OBP2A: variants seen among roughly 807,000 people sequenced by gnomAD.
OBP2A encodes the protein odorant-binding protein 2a.
Under a neutral mutation model 21.9 loss-of-function variants are expected in OBP2A, and 15 were observed. The ratio of observed to expected loss-of-function variants is 0.69; its 90% confidence interval spans 0.46 to 1.06. The LOEUF is 1.06. Ranked by LOEUF, OBP2A falls within the 50% of genes least tolerant of loss-of-function variation. OBP2A has a pLI of 0.00. For synonymous variants in OBP2A, 86 were observed against 91.8 expected (o/e 0.94, Z 0.36); for missense variants, 192 against 220.1 (o/e 0.87, Z 0.81).
intron 4 of OBP2A, chr9:135,548,497 C>T: frequency 1.6e-6 from 1 of 644,470 alleles, no homozygotes; most frequent in South Asian, 2.0e-5. Flanking sequence ...CACCCCTGAG[C>T]TCTTGTCCAT....
At position 135,546,896 on chromosome 9, in the gene OBP2A, C is replaced by A. The variant is rs774242276; in HGVS notation, c.191C>A (p.Ala64Asp). The change falls in exon 2 of 7, where the codon GCC (alanine) becomes GAC (aspartate). Residue 64 changes from alanine to aspartate, a missense_variant. Coordinates refer to ENST00000371776, the MANE Select transcript of OBP2A (RefSeq NM_014582.3). ...VTALGGGNLE[A>D]TFTFMREDRC... ...GCCCTGGGCGGTGGGAACTTGGAAGCCACGTTCACCTTCATGTGAGTGTTG... is the reference window on the plus strand; with the variant it reads ...GCCCTGGGCGGTGGGAACTTGGAAGACACGTTCACCTTCATGTGAGTGTTG... 1 of 1,613,648 alleles carries A rather than the reference C, an allele frequency of 6.2e-7. No individual in the cohort carries two copies. Among genetic ancestry groups the A allele is most frequent in the African/African-American group, 1.3e-5 (1 of 74,900 alleles).
At chr9:135,549,627 C>T (rs1832067799) in intron 6 of OBP2A, 2 of 595,782 alleles carry the variant, frequency 3.4e-6, no homozygotes, top group Non-Finnish European at 6.0e-6. Flanking sequence ...CCCCCTGCAC[C>T]TGTCCCCACT....
chr9:135,546,749 G>T, intron 1 of OBP2A, 29 bp from the exon 2 acceptor site: 1 of 1,578,274 alleles, frequency 6.3e-7, no homozygotes, highest in African/African-American at 1.3e-5. Context: ...GGCCACCCAT[G>T]GTGGGCTCAC....
chr9:135,548,052 T>A, intron 4 of OBP2A, 71 bp downstream of exon 4: 1 of 1,140,010 alleles, frequency 8.8e-7, no homozygotes, highest in African/African-American at 1.6e-5. Flanking sequence ...GGAACCACCA[T>A]CATCACGCCC....
rs1414769097 is a variant in OBP2A, at chr9:135,549,455, C to T, written c.*1+124C>T. On this transcript the variant is annotated intron_variant, in intron 6 of 6. Coordinates refer to ENST00000371776, the MANE Select transcript of OBP2A (RefSeq NM_014582.3). ...AGGGAGACCCCCCCAGGGTCAGGCA[C>T]GAGGTTGGCACCTCAGAGTCTGCCC... 6.1e-5 allele frequency: 58 copies of T among 954,738 alleles called. 3 individuals are homozygous for T. Among genetic ancestry groups the T allele is most frequent in the Middle Eastern group, 2.5e-4 (1 of 4,046 alleles). 59.1% of individuals were successfully genotyped at this position (954,738 alleles called of 1,614,324 possible). A position where few individuals can be genotyped will look rare whatever the true frequency, so the allele number is the denominator to read the frequency against.
At chr9:135,549,104 C>A (rs11103060) in intron 5 of OBP2A, among the ~76,000 whole-genome samples, 1 of 3,302 alleles carries the variant, frequency 3.0e-4, no homozygotes, top group African/African-American at 1.7e-3. Flanking sequence ...TGGGGCTCCG[C>A]GCTCTGGGCT....
rs1832034685 is a variant in OBP2A, at chr9:135,548,970, G to A, written c.490+161G>A. On this transcript the variant is annotated intron_variant, in intron 5 of 6. Transcript: ENST00000371776. ...CTGCTTAGCATCCTCGTCGTTGGAGGGTCTGCACTCTGGGCTGCGATGCGG... is the reference window on the plus strand; with the variant it reads ...CTGCTTAGCATCCTCGTCGTTGGAGAGTCTGCACTCTGGGCTGCGATGCGG... Among the ~76,000 whole-genome samples the A allele has an allele frequency of 1.3e-5, 2 of 152,048 alleles. 1 individual carries two copies. The highest frequency in any genetic ancestry group is 4.1e-4 in the South Asian group (2 of 4,820).
rs1304748271 is a variant in OBP2A at position 135,548,653 on chromosome 9, C to T, written c.389-55C>T. 3 of 1,611,230 alleles carry T rather than the reference C, an allele frequency of 1.9e-6. No individual in the cohort carries two copies. The South Asian group carries it at 3.3e-5, about 18-fold the overall frequency. ...GTCGTCTCCTTTTAGCATCTGCTCC[C>T]TGCAGGGCCGTGCCGCTGTCCCCAC... On this transcript the variant is annotated intron_variant, in intron 4 of 6. Transcript: ENST00000371776.
chr9:135,547,632 G>A (rs982015135), intron 3 of OBP2A, among the ~76,000 whole-genome samples: 8 of 152,206 alleles, frequency 5.3e-5, no homozygotes, highest in African/African-American at 1.7e-4. Flanking sequence ...TGGGAAGGCC[G>A]GACTCTAGTC....
At chr9:135,546,421 C>CTCATGCT in intron 1 of OBP2A, among the ~76,000 whole-genome samples, 169 bp downstream of exon 1, 1 of 151,112 alleles carries the variant, frequency 6.6e-6, no homozygotes, top group South Asian at 2.1e-4. Context: ...CAGACACGGC[C>CTCATGCT]CCCCGAGGCC....
In OBP2A at chr9:135,548,922, T is replaced by C. The variant is rs1486327031; in HGVS notation, c.490+113T>C. On this transcript the variant is annotated intron_variant, in intron 5 of 6. Coordinates refer to ENST00000371776, the MANE Select transcript of OBP2A (RefSeq NM_014582.3). ...CCCCGCATTCCCCGTGTGCCCCGAG[T>C]CTCCTCGCAGGGGCTCTGGGCCCTG... 1.2e-5 allele frequency: 14 copies of C among 1,185,598 alleles called. 1 individual carries two copies. Among genetic ancestry groups the C allele is most frequent in the Middle Eastern group, 1.9e-4 (1 of 5,228 alleles). The allele number at this position is 1,185,598 out of a possible 1,614,324, so 73.4% of individuals were successfully genotyped here.
chr9:135,546,916 G>A lies in OBP2A; in HGVS notation c.206+5G>A. 1 of 1,613,334 alleles carries A rather than the reference G, an allele frequency of 6.2e-7. No homozygotes were observed. Among genetic ancestry groups the A allele is most frequent in the Non-Finnish European group, 8.5e-7 (1 of 1,179,498 alleles). ...GGAAGCCACGTTCACCTTCATGTGA[G>A]TGTTGCCCACTGCAGGGCCCCTCAG... On this transcript the variant is annotated splice_donor_5th_base_variant and intron_variant, in intron 2 of 6. Transcript: ENST00000371776.
intron 4 of OBP2A, 110 bp downstream of exon 4, chr9:135,548,091 C>T (rs1187698006): frequency 2.0e-5 from 15 of 747,618 alleles, no homozygotes; most frequent in South Asian, 5.9e-5. Flanking sequence ...AAGCCCCCTG[C>T]GCCGGCCTTC....
chr9:135,547,273 TC>T lies in OBP2A; in HGVS notation c.277+29del, dbSNP rs750930487. The T allele has an allele frequency of 2.8e-6, 4 of 1,453,426 alleles. No individual in the cohort carries two copies. In the East Asian group the frequency reaches 1.2e-4, roughly 42 times the overall value. The allele number at this position is 1,453,426 out of a possible 1,614,324, so 90.0% of individuals were successfully genotyped here. A position where few individuals can be genotyped will look rare whatever the true frequency, so the allele number is the denominator to read the frequency against. ...TGTGAGCCCCTCCCCGACCCCCCAC[TC>T]CCCATGCCCAACCCCGGATGCACCA... is the stretch of plus-strand genomic sequence containing the variant. On this transcript the variant is annotated intron_variant, in intron 3 of 6. Transcript: ENST00000371776.
At position 135,547,848 on chromosome 9, in the gene OBP2A, C is replaced by T. The variant is rs767470001; in HGVS notation, c.278-23C>T. On this transcript the variant is annotated intron_variant, in intron 3 of 6. Transcript: ENST00000371776. ...TCTCCGGGAATGAGGGCACTGAAGA[C>T]CCATCTTCTCTGTCATCTACAGATG... The T allele has an allele frequency of 2.6e-6, 4 of 1,553,260 alleles. 1 individual carries two copies. In the South Asian group the frequency reaches 3.5e-5, roughly 14 times the overall value.
At position 135,546,259 on chromosome 9, in the gene OBP2A, T is replaced by G. The variant is rs769792203; in HGVS notation, c.72+7T>G. ...CACCCTGGAGGAGGAGGATGTGAGCTGGGTTGGCGTGGGCGGATGGAGGAG... is the reference window on the plus strand; with the variant it reads ...CACCCTGGAGGAGGAGGATGTGAGCGGGGTTGGCGTGGGCGGATGGAGGAG... On this transcript the variant is annotated splice_region_variant and intron_variant, in intron 1 of 6. Transcript: ENST00000371776. The G allele has an allele frequency of 2.9e-5, 43 of 1,494,112 alleles. 5 individuals are homozygous for G. Among genetic ancestry groups the G allele is most frequent in the Non-Finnish European group, 3.7e-5 (40 of 1,087,210 alleles). 92.6% of individuals were successfully genotyped at this position (1,494,112 alleles called of 1,614,324 possible). A position where few individuals can be genotyped will look rare whatever the true frequency, so the allele number is the denominator to read the frequency against.
chr9:135,548,868 G>A lies in OBP2A; in HGVS notation c.490+59G>A, dbSNP rs3827837. The A allele has an allele frequency of 1.8e-3, 2,795 of 1,571,216 alleles. 4 individuals are homozygous for A. The highest frequency in any genetic ancestry group is 0.01 in the East Asian group (462 of 44,632). ...CCTGTGTCTCTGTGTGATCTCCAGTGTCCCATGACCCCCATGTCCTCCCAT... is the reference window on the plus strand; with the variant it reads ...CCTGTGTCTCTGTGTGATCTCCAGTATCCCATGACCCCCATGTCCTCCCAT... On this transcript the variant is annotated intron_variant, in intron 5 of 6. Coordinates refer to ENST00000371776, the MANE Select transcript of OBP2A (RefSeq NM_014582.3).
Position 135,547,889 on chromosome 9 carries a change from T to C in OBP2A, c.296T>C (p.Ile99Thr), listed in dbSNP as rs551789793. The C allele has an allele frequency of 1.9e-6, 3 of 1,611,078 alleles. No individual in the cohort carries two copies. The highest frequency in any genetic ancestry group is 1.1e-5 in the South Asian group (1 of 90,858). ...KFSAYGGRKLIYLQELPGTDD... is the reference protein window; with the variant it reads ...KFSAYGGRKLTYLQELPGTDD... ...TCTACAGATGGGGGCAGGAAGCTCA[T>C]ATACCTGCAGGAGCTGCCCGGGACG... is the stretch of plus-strand genomic sequence containing the variant. The change falls in exon 4 of 7, where the codon ATA becomes ACA. Residue 99 changes from isoleucine to threonine, a missense_variant. Coordinates refer to ENST00000371776, the MANE Select transcript of OBP2A (RefSeq NM_014582.3).
chr9:135,549,652 C>G lies in OBP2A; in HGVS notation c.*2-185C>G, dbSNP rs574406980. Reference sequence around the variant, plus strand: ...CTGTCCCCACTCGGTCTACTCCCCCCCACCCACTCACCAAGGATGCTCAGA... The same window carrying G: ...CTGTCCCCACTCGGTCTACTCCCCCGCACCCACTCACCAAGGATGCTCAGA... On this transcript the variant is annotated intron_variant, in intron 6 of 6. Transcript: ENST00000371776. 274 of 593,334 alleles carry G rather than the reference C, an allele frequency of 4.6e-4. 1 individual carries two copies. The highest frequency in any genetic ancestry group is 7.5e-4 in the Non-Finnish European group (252 of 334,164). 36.8% of individuals were successfully genotyped at this position (593,334 alleles called of 1,614,324 possible).
Sources: allele counts gnomAD v4.1 joint callset (sites outside exome capture counted in the v4.1 genomes callset), GRCh38; gene constraint gnomAD v4.1.1; transcripts MANE v1.5; gene names NCBI Gene and HGNC (gene_info 2026-07-23, HGNC 2026-07-21).